Variants in SCEL observed in about 807,000 individuals in gnomAD.
The protein encoded by SCEL is sciellin.
In SCEL, 113 loss-of-function variants were observed where a neutral mutation model predicts 117.6. The observed-to-expected ratio is 0.96, with a 90% confidence interval of 0.83 to 1.12. The LOEUF is 1.12. Among genes scored for constraint, SCEL ranks in the 50% most tolerant of loss-of-function variants. SCEL has a pLI of 0.00. For missense variants in SCEL, 785 were observed against 810.8 expected, an observed-to-expected ratio of 0.97 and a Z score of 0.39; for synonymous variants, 270 against 256.2, an observed-to-expected ratio of 1.05 and a Z score of -0.51.
chr13:77,640,769 T>C lies in SCEL; in HGVS notation c.1932T>C (p.His644=), dbSNP rs2090522315. Residue 644 remains histidine (H), a synonymous_variant, in exon 31 of 33, where the codon CAT becomes CAC. Coordinates refer to ENST00000349847, the MANE Select transcript of SCEL (RefSeq NM_144777.3). ...TAGATGAATTACAAATTTGCTGCCA[T>C]TCTACTTGCTTTAAGGTAAGGATGT... ...MILDELQICC[H]STCFKCEICK... 6.4e-7 allele frequency: 1 copy of C among 1,566,690 alleles called. No homozygotes were observed. Among genetic ancestry groups the C allele is most frequent in the Non-Finnish European group, 8.8e-7 (1 of 1,140,084 alleles).
intron 1 of SCEL, among the ~76,000 whole-genome samples, chr13:77,553,156 C>A (rs1020825089): frequency 6.6e-6 from 1 of 152,176 alleles, no homozygotes; most frequent in Non-Finnish European, 1.5e-5. Context: ...AGGAACGTGA[C>A]TTGGCCAATA....
intron 13 of SCEL, among the ~76,000 whole-genome samples, 179 bp from the exon 14 acceptor site, chr13:77,599,150 C>T (rs1250649106): frequency 6.6e-6 from 1 of 152,168 alleles, no homozygotes; most frequent in African/African-American, 2.4e-5. Flanking sequence ...TTTGTTTTCT[C>T]TAAGGCCCAC....
rs150759819 is a variant in SCEL at position 77,591,764 on chromosome 13, A to C, written c.692+304A>C. Among the ~76,000 whole-genome samples the C allele has an allele frequency of 5.7e-3, 866 of 152,338 alleles. 8 individuals carry two copies. Among genetic ancestry groups the C allele is most frequent in the African/African-American group, 0.019 (810 of 41,586 alleles). On this transcript the variant is annotated intron_variant, in intron 11 of 32. Coordinates refer to ENST00000349847, the MANE Select transcript of SCEL (RefSeq NM_144777.3). ...ATTCCCAGGACCTGCTCTGAGGTCT[A>C]TGATATAGTTGGTGTGGATGTATAA... is the stretch of plus-strand genomic sequence containing the variant.
At chr13:77,583,531 A>G (rs1488755205) in intron 9 of SCEL, among the ~76,000 whole-genome samples, 4 of 152,208 alleles carry the variant, frequency 2.6e-5, no homozygotes, top group Non-Finnish European at 5.9e-5. Flanking sequence ...AACATTATGA[A>G]TGGGGCAGTT....
intron 11 of SCEL, 98 bp downstream of exon 11, chr13:77,591,558 A>G: frequency 2.8e-6 from 2 of 705,390 alleles, no homozygotes; most frequent in Non-Finnish European, 4.8e-6. Context: ...AATAAGGTAG[A>G]CAAAATCAGT....
intron 30 of SCEL, among the ~76,000 whole-genome samples, chr13:77,639,154 A>G (rs764988650): frequency 3.3e-5 from 5 of 152,142 alleles, no homozygotes; most frequent in Admixed American, 1.3e-4. Flanking sequence ...TGCAGCTCCT[A>G]GATCAGTGCC....
intron 17 of SCEL, 77 bp downstream of exon 17, chr13:77,602,790 C>G: frequency 1.6e-6 from 2 of 1,240,694 alleles, no homozygotes; most frequent in East Asian, 4.7e-5. Flanking sequence ...GGCACCACAT[C>G]TTTGTTTGGC....
At chr13:77,602,287 T>C (rs1013120019) in intron 16 of SCEL, 163 bp downstream of exon 16, 4 of 539,930 alleles carry the variant, frequency 7.4e-6, no homozygotes, top group African/African-American at 5.8e-5. Flanking sequence ...TGCTGTTTCA[T>C]AGGACCTCTG....
intron 1 of SCEL, among the ~76,000 whole-genome samples, chr13:77,540,904 G>A (rs777645593): frequency 3.3e-5 from 5 of 152,202 alleles, no homozygotes; most frequent in Admixed American, 6.5e-5. Context: ...CTGGGAAGCC[G>A]TTGGAATAGT....
In SCEL at chr13:77,603,116, G is replaced by T. The variant is rs1567405657; in HGVS notation, c.1078G>T (p.Gly360Ter). The T allele has an allele frequency of 1.3e-6, 2 of 1,563,736 alleles. No homozygotes were observed. Among genetic ancestry groups the T allele is most frequent in the Non-Finnish European group, 1.7e-6 (2 of 1,153,230 alleles). The stretch of plus-strand genomic sequence containing the variant: ...TAATGCTACTGAAGTAAATCCCAAA[G>T]GACATGAAAATACCACTGGGTAAAA... Reference protein sequence around the residue: ...LDNATEVNPKGHENTTGKKDL... With the variant: ...LDNATEVNPK Residue 360 changes from glycine (G) to a stop codon, truncating the protein, a stop_gained, in exon 18 of 33, where the codon GGA becomes TGA. Transcript: ENST00000349847. LOFTEE classifies it high-confidence loss of function.
At chr13:77,580,652 C>T (rs2086216209) in intron 9 of SCEL, among the ~76,000 whole-genome samples, 1 of 152,060 alleles carries the variant, frequency 6.6e-6, no homozygotes, top group Non-Finnish European at 1.5e-5. Context: ...AAAGTACTTG[C>T]TTAACAGACA....
At chr13:77,547,197 A>G (rs1459327671) in intron 1 of SCEL, among the ~76,000 whole-genome samples, 3 of 152,112 alleles carry the variant, frequency 2.0e-5, no homozygotes, top group Non-Finnish European at 4.4e-5. Context: ...CAGCCCCCCA[A>G]AAATTTAAGA....
At chr13:77,552,157 G>T (rs1370799413) in intron 1 of SCEL, among the ~76,000 whole-genome samples, 1 of 151,864 alleles carries the variant, frequency 6.6e-6, no homozygotes, top group African/African-American at 2.4e-5. Context: ...ATAAACATAC[G>T]TGTGCATGTG....
At chr13:77,583,621 G>A (rs1168754225) in intron 9 of SCEL, among the ~76,000 whole-genome samples, 1 of 152,210 alleles carries the variant, frequency 6.6e-6, no homozygotes, top group Non-Finnish European at 1.5e-5. Flanking sequence ...ATACCTGGAA[G>A]AGAATTGGTT....
chr13:77,627,926 T>C (rs2089827811), intron 27 of SCEL, 21 bp from the exon 28 acceptor site: 1 of 1,026,014 alleles, frequency 9.7e-7, no homozygotes, highest in Non-Finnish European at 1.4e-6. Flanking sequence ...ATTATTCATA[T>C]ATATATATTT....
chr13:77,544,014 C>CGAAG (rs2083865229), intron 1 of SCEL, among the ~76,000 whole-genome samples: 1 of 152,096 alleles, frequency 6.6e-6, no homozygotes. Context: ...CCTATCCTTC[C>CGAAG]GCAAGAAGAC....
At chr13:77,573,944 GCTAT>G (rs1393151458) in intron 9 of SCEL, among the ~76,000 whole-genome samples, 1 of 152,164 alleles carries the variant, frequency 6.6e-6, no homozygotes, top group East Asian at 1.9e-4. Context: ...GATATAAGGA[GCTAT>G]CTAAGTGGGG....
At chr13:77,627,221 T>C (rs2089785470) in intron 27 of SCEL, among the ~76,000 whole-genome samples, 1 of 152,172 alleles carries the variant, frequency 6.6e-6, no homozygotes, top group Non-Finnish European at 1.5e-5. Flanking sequence ...AAATCTTGAC[T>C]CTTCCAAAAA....
intron 29 of SCEL, 138 bp from the exon 30 acceptor site, chr13:77,636,982 G>A: frequency 4.4e-6 from 2 of 450,940 alleles, no homozygotes; most frequent in Admixed American, 4.6e-5. Context: ...TTAAAAAAAT[G>A]TGTCAGTACA....
Sources: gnomAD v4.1 joint callset for allele counts (sites outside exome capture counted in the v4.1 genomes callset) on GRCh38, gnomAD v4.1.1 for gene constraint, MANE v1.5 for transcripts, NCBI Gene and HGNC (gene_info 2026-07-23, HGNC 2026-07-21) for gene names.